The following RBMS3 variants were observed in gnomAD, a reference collection of about 807,000 sequenced individuals.
The protein encoded by RBMS3 is RNA binding motif single stranded interacting protein 3, also known as RNA-binding motif, single-stranded-interacting protein 3.
A neutral mutation model predicts 66.8 loss-of-function variants in RBMS3; 27 were observed. That is an observed-to-expected ratio of 0.40 (90% CI 0.30 to 0.56). RBMS3 has a LOEUF of 0.56. Among genes scored for constraint, RBMS3 ranks in the 20% least tolerant of loss-of-function variants. The probability of loss-of-function intolerance (pLI) is 0.40; values close to 1 mark genes in which losing one functional copy is unlikely to be tolerated. For synonymous variants in RBMS3, 188 were observed against 183.0 expected (o/e 1.03, Z -0.22); for missense variants, 513 against 549.5 (o/e 0.93, Z 0.66).
chr3:29,840,251 C>A (rs915735960), intron 6 of RBMS3, among the ~76,000 whole-genome samples: 1 of 151,830 alleles, frequency 6.6e-6, no homozygotes, highest in African/African-American at 2.4e-5. Flanking sequence ...TTATACACAT[C>A]AACATTTGTC....
intron 10 of RBMS3, among the ~76,000 whole-genome samples, chr3:29,918,530 T>C (rs893459460): frequency 2.0e-5 from 3 of 152,132 alleles, no homozygotes; most frequent in Non-Finnish European, 4.4e-5. Flanking sequence ...CTCAAAGTTA[T>C]GTTATGTTGG....
chr3:29,452,458 C>T (rs1445370009), intron 2 of RBMS3, among the ~76,000 whole-genome samples: 1 of 151,978 alleles, frequency 6.6e-6, no homozygotes, highest in Non-Finnish European at 1.5e-5. Context: ...AAATCTATAC[C>T]AAAAGCAAGG....
At chr3:29,649,080 G>C (rs1254440600) in intron 4 of RBMS3, among the ~76,000 whole-genome samples, 1 of 152,020 alleles carries the variant, frequency 6.6e-6, no homozygotes, top group Non-Finnish European at 1.5e-5. Context: ...TAACTTCTTT[G>C]GTCTAAGGTT....
At chr3:29,347,371 T>A (rs1007463671) in intron 1 of RBMS3, among the ~76,000 whole-genome samples, 1 of 152,192 alleles carries the variant, frequency 6.6e-6, no homozygotes, top group African/African-American at 2.4e-5. Context: ...AATAAATAGG[T>A]TTCATTCGTT....
intron 3 of RBMS3, among the ~76,000 whole-genome samples, chr3:29,549,866 C>A (rs1051297303): frequency 6.6e-6 from 1 of 151,976 alleles, no homozygotes; most frequent in African/African-American, 2.4e-5. Flanking sequence ...GACCCAACAA[C>A]AAAGTTCCCT....
chr3:29,876,368 C>G (rs543231790), intron 7 of RBMS3, among the ~76,000 whole-genome samples: 242 of 151,904 alleles, frequency 1.6e-3, no homozygotes, highest in African/African-American at 5.6e-3. Context: ...GTAAATTTTA[C>G]TAACAAAATA....
At chr3:29,508,107 T>C (rs919665792) in intron 3 of RBMS3, among the ~76,000 whole-genome samples, 4 of 152,184 alleles carry the variant, frequency 2.6e-5, no homozygotes, top group African/African-American at 4.8e-5. Flanking sequence ...CTAATCATAA[T>C]ATAAGGCCTC....
chr3:29,911,010 A>G (rs2060501027), intron 10 of RBMS3, among the ~76,000 whole-genome samples: 1 of 152,070 alleles, frequency 6.6e-6, no homozygotes, highest in African/African-American at 2.4e-5. Context: ...CTCTGTCAGA[A>G]AACAAATAAT....
At position 29,546,150 on chromosome 3, in the gene RBMS3, GTGTT is replaced by G. The variant is rs2045940869; in HGVS notation, c.308-40962_308-40959del. Among the ~76,000 whole-genome samples, 2 of 130,796 alleles carry G rather than the reference GTGTT, an allele frequency of 1.5e-5. 1 individual carries two copies. Among genetic ancestry groups the G allele is most frequent in the African/African-American group, 5.7e-5 (2 of 35,080 alleles). 85.8% of individuals were successfully genotyped at this position (130,796 alleles called of 152,430 possible). Reference sequence around the variant, plus strand: ...TGTGTGTGTGTGTGTGTGTGTGTGTGTGTTTCACATGAAATATGCACATACACAT... The same window carrying G: ...TGTGTGTGTGTGTGTGTGTGTGTGTGTCACATGAAATATGCACATACACAT... On this transcript the variant is annotated intron_variant, in intron 3 of 14. Coordinates refer to ENST00000383767, the MANE Select transcript of RBMS3 (RefSeq NM_001003793.3).
chr3:29,744,960 A>T (rs2054819982), intron 5 of RBMS3, among the ~76,000 whole-genome samples: 1 of 152,158 alleles, frequency 6.6e-6, no homozygotes, highest in South Asian at 2.1e-4. Flanking sequence ...TAACCATCAT[A>T]TGTGGTCCTT....
intron 10 of RBMS3, among the ~76,000 whole-genome samples, chr3:29,923,866 TG>T (rs1159156114): frequency 3.9e-5 from 6 of 152,192 alleles, no homozygotes; most frequent in African/African-American, 1.4e-4. Flanking sequence ...AAGTCCTATT[TG>T]TTCCTGTTAA....
chr3:29,664,657 C>A (rs900303610), intron 4 of RBMS3, among the ~76,000 whole-genome samples: 1 of 151,388 alleles, frequency 6.6e-6, no homozygotes, highest in East Asian at 1.9e-4. Flanking sequence ...CAAACACCAA[C>A]CTGATAGTAG....
At chr3:29,969,570 G>A (rs962492673) in intron 12 of RBMS3, among the ~76,000 whole-genome samples, 3 of 152,140 alleles carry the variant, frequency 2.0e-5, no homozygotes, top group African/African-American at 7.2e-5. Flanking sequence ...CCATGCTAGG[G>A]AAGAGAATAG....
intron 10 of RBMS3, among the ~76,000 whole-genome samples, chr3:29,920,381 AG>A (rs2060740130): frequency 6.6e-6 from 1 of 152,198 alleles, no homozygotes; most frequent in South Asian, 2.1e-4. Context: ...CACAATGTAA[AG>A]GTTTAAAAGA....
At chr3:29,282,840 T>G in intron 1 of RBMS3, among the ~76,000 whole-genome samples, 1 of 152,162 alleles carries the variant, frequency 6.6e-6, no homozygotes, top group East Asian at 1.9e-4. Flanking sequence ...TAGTTATCTG[T>G]CATTTATTTT....
intron 10 of RBMS3, among the ~76,000 whole-genome samples, chr3:29,926,258 G>T (rs138764754): frequency 6.6e-6 from 1 of 152,104 alleles, no homozygotes; most frequent in Non-Finnish European, 1.5e-5. Flanking sequence ...TAATAGGGTC[G>T]TGACTTCACA....
chr3:29,925,192 C>G (rs1331018804), intron 10 of RBMS3: 1 of 152,114 alleles, frequency 6.6e-6, no homozygotes, highest in Admixed American at 6.5e-5. Context: ...TTAATCAAGT[C>G]TTAACAAGCG....
intron 1 of RBMS3, among the ~76,000 whole-genome samples, chr3:29,342,431 C>G (rs2036329925): frequency 6.6e-6 from 1 of 152,112 alleles, no homozygotes; most frequent in Admixed American, 6.6e-5. Flanking sequence ...TTTACCTGTG[C>G]CTTACCCATT....
chr3:29,284,825 A>G (rs1486297916), intron 1 of RBMS3, among the ~76,000 whole-genome samples: 1 of 144,258 alleles, frequency 6.9e-6, no homozygotes, highest in African/African-American at 2.5e-5. Context: ...GTCTTTAAAA[A>G]GTTGTCATTT....
Sources: allele counts gnomAD v4.1 joint callset (sites outside exome capture counted in the v4.1 genomes callset), GRCh38; gene constraint gnomAD v4.1.1; transcripts MANE v1.5; gene names NCBI Gene and HGNC (gene_info 2026-07-23, HGNC 2026-07-21).